Variants in ANTXR1 observed in about 807,000 individuals in gnomAD.
The protein encoded by ANTXR1 is anthrax toxin receptor 1.
In ANTXR1, 19 loss-of-function variants were observed where a neutral mutation model predicts 78.1. The ratio of observed to expected loss-of-function variants is 0.24; its 90% CI spans 0.17 to 0.36. The LOEUF is 0.36. Among genes scored for constraint, ANTXR1 ranks in the 10% least tolerant of loss-of-function variants. The probability of loss-of-function intolerance (pLI) is 1.00; values close to 1 mark genes in which losing one functional copy is unlikely to be tolerated. For missense variants in ANTXR1, 518 were observed against 718.6 expected, an observed-to-expected ratio of 0.72 and a Z score of 3.19; for synonymous variants, 273 against 260.5, an observed-to-expected ratio of 1.05 and a Z score of -0.46.
chr2:69,219,660 A>T (rs1218373611), intron 17 of ANTXR1, among the ~76,000 whole-genome samples: 6 of 152,198 alleles, frequency 3.9e-5, no homozygotes, highest in Non-Finnish European at 7.3e-5. Context: ...AGTACTTATT[A>T]AGTGTTATGT....
intron 14 of ANTXR1, among the ~76,000 whole-genome samples, chr2:69,175,260 C>T (rs1249393485): frequency 6.6e-6 from 1 of 152,200 alleles, no homozygotes; most frequent in Non-Finnish European, 1.5e-5. Flanking sequence ...CCTATGTTTC[C>T]CGCCTGTCTT....
intron 3 of ANTXR1, among the ~76,000 whole-genome samples, chr2:69,054,995 G>GT (rs1670028610): frequency 6.6e-6 from 1 of 152,072 alleles, no homozygotes; most frequent in African/African-American, 2.4e-5. Context: ...CTGTGCCTCA[G>GT]TTTTCTTATC....
intron 3 of ANTXR1, among the ~76,000 whole-genome samples, chr2:69,070,284 C>A (rs1211689731): frequency 6.6e-6 from 1 of 152,206 alleles, no homozygotes; most frequent in Non-Finnish European, 1.5e-5. Flanking sequence ...TCACCTCTTT[C>A]TGGCTCACAT....
chr2:69,053,955 T>A (rs1670000301), intron 3 of ANTXR1, among the ~76,000 whole-genome samples: 1 of 152,208 alleles, frequency 6.6e-6, no homozygotes, highest in Admixed American at 6.5e-5. Flanking sequence ...TTCTTATCTG[T>A]GTAATAGTCA....
At chr2:69,225,731 C>T (rs987195516) in intron 17 of ANTXR1, among the ~76,000 whole-genome samples, 16 of 152,166 alleles carry the variant, frequency 1.1e-4, no homozygotes, top group Non-Finnish European at 1.6e-4. Context: ...AACCCCCAAA[C>T]TCCCTCTCCA....
At chr2:69,063,828 TACTG>T (rs1670316352) in intron 3 of ANTXR1, among the ~76,000 whole-genome samples, 1 of 152,126 alleles carries the variant, frequency 6.6e-6, no homozygotes, top group African/African-American at 2.4e-5. Flanking sequence ...AGTAGCATAA[TACTG>T]ACTTATAGTA....
At chr2:69,156,287 A>G (rs1673523428) in intron 13 of ANTXR1, among the ~76,000 whole-genome samples, 1 of 152,104 alleles carries the variant, frequency 6.6e-6, no homozygotes, top group South Asian at 2.1e-4. Context: ...GCTGTCAGAA[A>G]TCCTTGCACT....
rs1012912057 is a variant in ANTXR1 at position 69,246,348 on chromosome 2, G to C, written c.*863G>C. 7.9e-5 allele frequency: 12 copies of C among 152,154 alleles called. No homozygotes were observed. Among genetic ancestry groups the C allele is most frequent in the African/African-American group, 2.9e-4 (12 of 41,434 alleles). The allele number at this position is 152,154 out of a possible 1,614,324, so 9.4% of individuals were successfully genotyped here. A position where few individuals can be genotyped will look rare whatever the true frequency, so the allele number is the denominator to read the frequency against. ...GTTAATGAATCATGTTAAAAATCAA[G>C]GTTTGGCTTCAGTTTAAATCACTTG... On this transcript the variant is annotated 3_prime_UTR_variant, in exon 18 of 18. Transcript: ENST00000303714.
chr2:69,191,113 C>T (rs1189572356), intron 16 of ANTXR1, among the ~76,000 whole-genome samples: 1 of 152,184 alleles, frequency 6.6e-6, no homozygotes, highest in African/African-American at 2.4e-5. Flanking sequence ...GTGATTGGAA[C>T]GGCTTAATAC....
In ANTXR1 at chr2:69,192,777, C is replaced by G. The variant is rs150548977; in HGVS notation, c.1354-558C>G. On this transcript the variant is annotated intron_variant, in intron 16 of 17. Coordinates refer to ENST00000303714, the MANE Select transcript of ANTXR1 (RefSeq NM_032208.3). ...CAAAGGGGTTGTGGTTTTTGGTCAT[C>G]TGTAATGCTTGGTAATTTGTCTCTC... Among the ~76,000 whole-genome samples, 64 of 152,304 alleles carry G rather than the reference C, an allele frequency of 4.2e-4. 1 individual carries two copies. In the East Asian group the frequency reaches 0.012, roughly 28 times the overall value.
intron 16 of ANTXR1, among the ~76,000 whole-genome samples, chr2:69,185,860 G>A (rs79345707): frequency 0.013 from 1,955 of 152,212 alleles, 59 homozygotes; most frequent in East Asian, 0.13. Context: ...AGAGCTCCTC[G>A]GCAGGACTCC....
intron 16 of ANTXR1, among the ~76,000 whole-genome samples, chr2:69,187,262 G>T (rs1304179972): frequency 6.6e-6 from 1 of 152,170 alleles, no homozygotes; most frequent in African/African-American, 2.4e-5. Context: ...CCAGACTCAT[G>T]ATCGGGAAAT....
chr2:69,027,093 C>T lies in ANTXR1; in HGVS notation c.153-12951C>T, dbSNP rs75416069. The stretch of plus-strand genomic sequence containing the variant: ...AATCCCAGATCTGGAAGTGAGTTTG[C>T]AGTCGAGTGGGGACCTGAGAGAGAT... On this transcript the variant is annotated intron_variant, in intron 1 of 17. Transcript: ENST00000303714. Among the ~76,000 whole-genome samples, 1,434 of 152,246 alleles carry T rather than the reference C, an allele frequency of 9.4e-3. 27 individuals carry two copies. The highest frequency in any genetic ancestry group is 0.033 in the African/African-American group (1,363 of 41,538).
intron 16 of ANTXR1, among the ~76,000 whole-genome samples, chr2:69,190,533 G>A (rs1475322903): frequency 2.0e-5 from 3 of 152,160 alleles, no homozygotes; most frequent in Non-Finnish European, 2.9e-5. Context: ...TATGAGGCAA[G>A]TACCTAACTT....
In ANTXR1 at chr2:69,245,361, C is replaced by T. The variant is rs760552283; in HGVS notation, c.1571C>T (p.Pro524Leu). 1.7e-5 allele frequency: 25 copies of T among 1,513,236 alleles called. No individual in the cohort carries two copies. The Admixed American group carries it at 1.9e-4, about 11-fold the overall frequency. 93.7% of individuals were successfully genotyped at this position (1,513,236 alleles called of 1,614,324 possible). A position where few individuals can be genotyped will look rare whatever the true frequency, so the allele number is the denominator to read the frequency against. Residue 524 changes from proline (P) to leucine (L), a missense_variant, in exon 18 of 18, where the codon CCG (proline) becomes CTG (leucine). Pro to Leu is a moderately conservative substitution (Grantham distance 98, BLOSUM62 -3). This residue lies in a region of ANTXR1 where 192 missense variants were observed against 230.2 expected (regional missense o/e 0.83). Transcript: ENST00000303714. ...CCTCCTGCGCCCCACTGCCCTCCCCCGCCCCCCAGCGCCCCTACCCCTCCC... is the reference window on the plus strand; with the variant it reads ...CCTCCTGCGCCCCACTGCCCTCCCCTGCCCCCCAGCGCCCCTACCCCTCCC... ...PPPPAPHCPP[P>L]PPSAPTPPIP...
At chr2:69,056,917 G>A (rs960849331) in intron 3 of ANTXR1, among the ~76,000 whole-genome samples, 4 of 152,212 alleles carry the variant, frequency 2.6e-5, no homozygotes, top group Admixed American at 2.0e-4. Context: ...GACCTCAAGT[G>A]ATCTGGCCAC....
chr2:69,169,826 C>G (rs1311889051), intron 13 of ANTXR1, among the ~76,000 whole-genome samples: 1 of 152,234 alleles, frequency 6.6e-6, no homozygotes, highest in African/African-American at 2.4e-5. Context: ...TTGACACATC[C>G]CTAAAGCACC....
chr2:69,081,329 G>A (rs756391521), intron 8 of ANTXR1, among the ~76,000 whole-genome samples: 4 of 152,228 alleles, frequency 2.6e-5, no homozygotes, highest in African/African-American at 9.7e-5. Flanking sequence ...ATTACCAGAA[G>A]CCAGTTGCCC....
intron 13 of ANTXR1, among the ~76,000 whole-genome samples, chr2:69,165,340 C>A (rs1468559653): frequency 6.6e-6 from 1 of 152,200 alleles, no homozygotes; most frequent in Admixed American, 6.5e-5. Flanking sequence ...GCAGGAAGTG[C>A]CCTGCATTCA....
Sources: gnomAD v4.1 joint callset for allele counts (sites outside exome capture counted in the v4.1 genomes callset) on GRCh38, gnomAD v4.1.1 for gene constraint, gnomAD v4.1.1 regional missense constraint, MANE v1.5 for transcripts, NCBI Gene and HGNC (gene_info 2026-07-23, HGNC 2026-07-21) for gene names.